The following GRM4 variants were observed in gnomAD, a reference collection of about 807,000 sequenced individuals.
GRM4 encodes glutamate metabotropic receptor 4, also known as metabotropic glutamate receptor 4.
In GRM4, 28 loss-of-function variants were observed where a neutral mutation model predicts 81.7. The observed-to-expected ratio is 0.34, with a 90% confidence interval of 0.25 to 0.47. GRM4 has a LOEUF of 0.47. GRM4 is among the 20% of genes least tolerant of loss of function. The pLI, the probability that GRM4 is intolerant of heterozygous loss-of-function variation, is 1.00. For missense variants in GRM4, 948 were observed against 1,290.0 expected (o/e 0.73, Z 4.06); for synonymous variants, 488 against 528.8 (o/e 0.92, Z 1.06).
At chr6:34,137,695 T>C (rs2127514355) in intron 1 of GRM4, among the ~76,000 whole-genome samples, 1 of 151,020 alleles carries the variant, frequency 6.6e-6, no homozygotes, top group Non-Finnish European at 1.5e-5. Flanking sequence ...GCGATCCTCC[T>C]ACCTCAGCCT....
chr6:34,155,590 G>T, exon 1 of GRM4: 1 of 468,950 alleles, frequency 2.1e-6, no homozygotes. Flanking sequence ...GAATTCCTGG[G>T]CTCAAGCGAT....
At position 34,121,047 on chromosome 6, in the gene GRM4, A is replaced by G. The variant is rs1769791862; in HGVS notation, c.519+11931T>C. 6.6e-6 allele frequency among the ~76,000 whole-genome samples: 1 copy of G among 152,208 alleles called. No homozygotes were observed. Among genetic ancestry groups the G allele is most frequent in the Admixed American group, 6.5e-5 (1 of 15,292 alleles). ...TTAAGATACGTGCACACCTTGGTGA[A>G]AGAGAGTAAGCCCTTCATGACGGAC... On this transcript the variant is annotated intron_variant, in intron 2 of 10. Coordinates refer to ENST00000538487, the MANE Select transcript of GRM4 (RefSeq NM_000841.4). This position sits in a 1 kb window ranked among gnomAD's most constrained non-coding sequence, Gnocchi z 4.6.
intron 1 of GRM4, chr6:34,155,050 A>G: frequency 6.8e-7 from 1 of 1,465,718 alleles, no homozygotes; most frequent in Non-Finnish European, 9.1e-7. Context: ...GCCCGGGGAC[A>G]CGCCCGGATT....
At chr6:34,110,575 A>G (rs913251659) in intron 2 of GRM4, 1 of 632,174 alleles carries the variant, frequency 1.6e-6, no homozygotes, top group Non-Finnish European at 2.8e-6. Context: ...ATTGAATGTC[A>G]TCTTCTCAGA....
intron 5 of GRM4, among the ~76,000 whole-genome samples, chr6:34,057,385 A>G (rs1473576527): frequency 6.6e-6 from 1 of 152,158 alleles, no homozygotes; most frequent in African/African-American, 2.4e-5. Context: ...CTTCCTGCCC[A>G]TGGAAGCGTC....
At chr6:34,143,259 T>A (rs1770777203) in intron 1 of GRM4, among the ~76,000 whole-genome samples, 1 of 152,162 alleles carries the variant, frequency 6.6e-6, no homozygotes. Context: ...CCCAGCCCAG[T>A]GCTGAGCAGA....
At chr6:34,144,082 A>G (rs1333036441) in intron 1 of GRM4, among the ~76,000 whole-genome samples, 1 of 152,202 alleles carries the variant, frequency 6.6e-6, no homozygotes, top group Non-Finnish European at 1.5e-5. Flanking sequence ...GAAAGAAGCA[A>G]GGCGCCTCCT....
chr6:34,044,316 A>G (rs1765187508), intron 6 of GRM4, among the ~76,000 whole-genome samples: 1 of 150,870 alleles, frequency 6.6e-6, no homozygotes, highest in African/African-American at 2.4e-5. Flanking sequence ...ACATATATAC[A>G]CAGACACACA....
chr6:34,099,254 G>A (rs1768703264), intron 2 of GRM4, among the ~76,000 whole-genome samples: 1 of 152,212 alleles, frequency 6.6e-6, no homozygotes, highest in African/African-American at 2.4e-5. Context: ...GGGAGCCAGG[G>A]GAGCTGTGGA....
At chr6:34,044,573 CAT>C (rs1194106248) in intron 6 of GRM4, among the ~76,000 whole-genome samples, 1 of 151,270 alleles carries the variant, frequency 6.6e-6, no homozygotes, top group African/African-American at 2.4e-5. Context: ...CATACATACA[CAT>C]ATATACACAG....
chr6:34,026,188 T>C (rs1257338823), intron 10 of GRM4, among the ~76,000 whole-genome samples: 1 of 152,232 alleles, frequency 6.6e-6, no homozygotes, highest in Non-Finnish European at 1.5e-5. Context: ...ATATGTAGCC[T>C]GCCAGTGACA....
In GRM4 at chr6:34,035,641, CG is replaced by C; in HGVS notation, c.2442+26del. The C allele has an allele frequency of 7.3e-7, 1 of 1,378,088 alleles. No individual in the cohort carries two copies. Among genetic ancestry groups the C allele is most frequent in the Admixed American group, 1.8e-5 (1 of 54,136 alleles). The allele number at this position is 1,378,088 out of a possible 1,614,324, so 85.4% of individuals were successfully genotyped here. A position where few individuals can be genotyped will look rare whatever the true frequency, so the allele number is the denominator to read the frequency against. On this transcript the variant is annotated intron_variant, in intron 9 of 10. Transcript: ENST00000538487. This position sits in a 1 kb window ranked among gnomAD's most constrained non-coding sequence, Gnocchi z 6.6. ...TTGCTCACTGCCCTCACCTACCCAC[CG>C]TCCACCCCCGGCCCCCACCACTCAC... is the stretch of plus-strand genomic sequence containing the variant.
intron 3 of GRM4, among the ~76,000 whole-genome samples, chr6:34,077,341 T>G (rs1767366206): frequency 6.6e-6 from 1 of 152,044 alleles, no homozygotes; most frequent in African/African-American, 2.4e-5. Flanking sequence ...GAGCCCCAGA[T>G]AGCTCAGCGT....
rs1441951683 is a variant in GRM4 at position 34,111,204 on chromosome 6, G to A, written c.520-19105C>T. ...CTGGTGGAGGCATGCTGTCAGACAGGCAAGAACACTTCAGGCACATGGGTG... is the reference window on the plus strand; with the variant it reads ...CTGGTGGAGGCATGCTGTCAGACAGACAAGAACACTTCAGGCACATGGGTG... On this transcript the variant is annotated intron_variant, in intron 2 of 10. Transcript: ENST00000538487. The surrounding 1 kb of genome is among the most constrained non-coding windows in gnomAD (Gnocchi z 5.1). Among the ~76,000 whole-genome samples, 1 of 148,106 alleles carries A rather than the reference G, an allele frequency of 6.8e-6. No individual in the cohort carries two copies. The highest frequency in any genetic ancestry group is 1.5e-5 in the Non-Finnish European group (1 of 67,624).
At chr6:34,146,448 C>T (rs114353852), upstream of GRM4, among the ~76,000 whole-genome samples, 19 of 152,298 alleles carry the variant, frequency 1.2e-4, no homozygotes, top group South Asian at 2.1e-4. Context: ...ATCCCTTAGC[C>T]AACCATAAAG....
At chr6:34,144,638 C>A (rs1444979599) in intron 1 of GRM4, among the ~76,000 whole-genome samples, 2 of 152,116 alleles carry the variant, frequency 1.3e-5, no homozygotes, top group Non-Finnish European at 2.9e-5. Context: ...GGAGCCGAGG[C>A]GCGCGAGGCT....
At chr6:34,137,262 C>T (rs1050518260) in intron 1 of GRM4, among the ~76,000 whole-genome samples, 5 of 152,248 alleles carry the variant, frequency 3.3e-5, no homozygotes, top group Admixed American at 6.5e-5. Flanking sequence ...TCTCTGGCTC[C>T]ACTAGGTTCC....
intron 2 of GRM4, among the ~76,000 whole-genome samples, chr6:34,110,057 G>A (rs552011164): frequency 7.2e-5 from 11 of 152,164 alleles, no homozygotes; most frequent in Non-Finnish European, 1.3e-4. Context: ...TGTCCCTTGG[G>A]AGGCTGAAGC....
At chr6:34,082,160 C>T (rs1767638615) in intron 3 of GRM4, among the ~76,000 whole-genome samples, 1 of 151,824 alleles carries the variant, frequency 6.6e-6, no homozygotes, top group East Asian at 1.9e-4. Context: ...GCCTGGGGGA[C>T]AGATCCCTGT....
Sources: allele counts gnomAD v4.1 joint callset (sites outside exome capture counted in the v4.1 genomes callset), GRCh38; gene constraint gnomAD v4.1.1; non-coding constraint Gnocchi (gnomAD v3.1); transcripts MANE v1.5; gene names NCBI Gene and HGNC (gene_info 2026-07-23, HGNC 2026-07-21).